CTNNA2: variants seen among roughly 807,000 people sequenced by gnomAD.
CTNNA2 encodes catenin alpha 2.
A neutral mutation model predicts 101.0 loss-of-function variants in CTNNA2; 42 were observed. That is an observed-to-expected ratio of 0.42 (90% CI 0.32 to 0.54). The LOEUF (loss-of-function observed/expected upper bound fraction) is 0.54, where lower values mean the gene tolerates loss of function less well. Among genes scored for constraint, CTNNA2 ranks in the 20% least tolerant of loss-of-function variants. CTNNA2 has a pLI of 0.14. For missense variants in CTNNA2, 871 were observed against 1,223.1 expected (o/e 0.71, Z 4.29); for synonymous variants, 450 against 456.4 (o/e 0.99, Z 0.18).
chr2:80,091,469 A>G (rs1045408595), intron 7 of CTNNA2, among the ~76,000 whole-genome samples: 1 of 152,084 alleles, frequency 6.6e-6, no homozygotes, highest in South Asian at 2.1e-4. Flanking sequence ...GATGTGTAGG[A>G]CAGAGAAAGG....
In CTNNA2 at chr2:79,616,950, G is replaced by A. The variant is rs1462542692; in HGVS notation, c.-5-34602G>A. ...ACAGTCTTGCTCCGTCACCCAGGCT[G>A]GGGTAGAATGGTGCAATCTCGGCTC... On this transcript the variant is annotated intron_variant, in intron 1 of 18. Transcript: ENST00000402739. 4.6e-5 allele frequency among the ~76,000 whole-genome samples: 7 copies of A among 150,962 alleles called. No individual in the cohort carries two copies. In the East Asian group the frequency reaches 1.4e-3, roughly 30 times the overall value.
intron 7 of CTNNA2, among the ~76,000 whole-genome samples, chr2:80,263,566 C>T (rs1672776581): frequency 6.6e-6 from 1 of 152,142 alleles, no homozygotes; most frequent in South Asian, 2.1e-4. Context: ...GAACTCCTAA[C>T]CTCAAGTGAT....
At chr2:80,589,533 A>G (rs1254565824) in intron 15 of CTNNA2, 48 bp downstream of exon 15, 1 of 1,570,646 alleles carries the variant, frequency 6.4e-7, no homozygotes, top group Non-Finnish European at 8.7e-7. Context: ...TAAACCCAGA[A>G]GTGTAGCAGT....
intron 7 of CTNNA2, among the ~76,000 whole-genome samples, chr2:80,187,974 G>T (rs1220818160): frequency 1.3e-5 from 2 of 152,080 alleles, no homozygotes; most frequent in Non-Finnish European, 2.9e-5. Context: ...TCAGAACAAA[G>T]TTTACAGGAT....
chr2:79,220,395 T>C (rs1426205229), intron 2 of CTNNA2, among the ~76,000 whole-genome samples: 1 of 152,148 alleles, frequency 6.6e-6, no homozygotes, highest in African/African-American at 2.4e-5. Context: ...GCAGGAATGA[T>C]AGAAATTCTA....
chr2:79,677,645 A>T (rs915788845), intron 2 of CTNNA2, among the ~76,000 whole-genome samples: 1 of 152,210 alleles, frequency 6.6e-6, no homozygotes, highest in Non-Finnish European at 1.5e-5. Flanking sequence ...CTGAACTCTC[A>T]TAATAAAATC....
rs183398767 is a variant in CTNNA2, at chr2:80,452,215, A to T, written c.1290+32614A>T. ...AGTACATAATGCAATCAGGATTCAC[A>T]GCTAGGTTTATTTAACTTCAGAGCC... On this transcript the variant is annotated intron_variant, in intron 9 of 18. Coordinates refer to ENST00000402739, the MANE Select transcript of CTNNA2 (RefSeq NM_001282597.3). Among the ~76,000 whole-genome samples the T allele has an allele frequency of 3.3e-5, 5 of 151,984 alleles. No individual in the cohort carries two copies. In the East Asian group the frequency reaches 9.6e-4, roughly 29 times the overall value.
intron 9 of CTNNA2, among the ~76,000 whole-genome samples, chr2:80,483,975 G>C (rs1455058434): frequency 6.6e-6 from 1 of 152,126 alleles, no homozygotes; most frequent in Non-Finnish European, 1.5e-5. Flanking sequence ...ATGTGAAGTA[G>C]CTGCTTGAAG....
At chr2:80,514,033 T>C (rs763492814) in intron 9 of CTNNA2, among the ~76,000 whole-genome samples, 19 of 152,220 alleles carry the variant, frequency 1.2e-4, no homozygotes, top group Non-Finnish European at 2.8e-4. Context: ...ATCTTTATTT[T>C]TATTTATTTT....
At chr2:79,738,566 A>C (rs2104958444) in intron 2 of CTNNA2, among the ~76,000 whole-genome samples, 1 of 152,320 alleles carries the variant, frequency 6.6e-6, no homozygotes, top group East Asian at 1.9e-4. Flanking sequence ...GTGGACGGTA[A>C]TGTATGTTCC....
At chr2:79,711,807 T>C (rs1314861810) in intron 2 of CTNNA2, among the ~76,000 whole-genome samples, 2 of 152,290 alleles carry the variant, frequency 1.3e-5, no homozygotes, top group Admixed American at 1.3e-4. Context: ...CTACAGACAA[T>C]ATGTAAACGA....
chr2:79,580,680 G>C (rs1309044328), intron 1 of CTNNA2, among the ~76,000 whole-genome samples: 1 of 152,154 alleles, frequency 6.6e-6, no homozygotes, highest in Non-Finnish European at 1.5e-5. Context: ...AATAGTCATA[G>C]AGACAAAGGA....
intron 7 of CTNNA2, among the ~76,000 whole-genome samples, chr2:80,013,139 C>T (rs1693898972): frequency 6.6e-6 from 1 of 152,112 alleles, no homozygotes; most frequent in African/African-American, 2.4e-5. Flanking sequence ...GTACTCTAGC[C>T]TGGGTGACAG....
chr2:80,422,409 G>A (rs1324026195), intron 9 of CTNNA2, among the ~76,000 whole-genome samples: 5 of 148,162 alleles, frequency 3.4e-5, no homozygotes, highest in African/African-American at 1.3e-4. Context: ...CCATATAAGT[G>A]TATTTCTTCT....
At chr2:80,440,554 CT>C (rs1253437166) in intron 9 of CTNNA2, among the ~76,000 whole-genome samples, 1 of 152,142 alleles carries the variant, frequency 6.6e-6, no homozygotes. Context: ...AGTTAGACTT[CT>C]GTTTGTCCCT....
In CTNNA2 at chr2:80,139,389, G is replaced by T. The variant is rs1000829781; in HGVS notation, c.1056+229592G>T. On this transcript the variant is annotated intron_variant, in intron 7 of 18. Coordinates refer to ENST00000402739, the MANE Select transcript of CTNNA2 (RefSeq NM_001282597.3). ...AGAGTTTCAAGGATGTTGCTCTGTT[G>T]TCTCTGCTCCCTCTGTTTTTTTCTT... 2.0e-5 allele frequency among the ~76,000 whole-genome samples: 3 copies of T among 152,174 alleles called. 1 individual carries two copies. The highest frequency in any genetic ancestry group is 6.8e-3 in the Middle Eastern group (2 of 292).
At chr2:79,441,672 C>T (rs945759476) in intron 4 of CTNNA2, among the ~76,000 whole-genome samples, 1 of 152,170 alleles carries the variant, frequency 6.6e-6, no homozygotes, top group Non-Finnish European at 1.5e-5. Context: ...AATCCATTCT[C>T]TACACAAACA....
At chr2:80,618,947 A>G (rs2149802989) in intron 17 of CTNNA2, 138 bp from the exon 18 acceptor site, 2 of 462,964 alleles carry the variant, frequency 4.3e-6, no homozygotes, top group Non-Finnish European at 7.5e-6. Context: ...TTCAGCACGT[A>G]ATTCCTTCAT....
chr2:79,722,528 T>C (rs757553724), intron 2 of CTNNA2, among the ~76,000 whole-genome samples: 1 of 152,202 alleles, frequency 6.6e-6, no homozygotes, highest in Non-Finnish European at 1.5e-5. Flanking sequence ...ATCTCTGATA[T>C]CGGAGATTAT....
Sources: allele counts gnomAD v4.1 joint callset (sites outside exome capture counted in the v4.1 genomes callset), GRCh38; gene constraint gnomAD v4.1.1; transcripts MANE v1.5; gene names NCBI Gene and HGNC (gene_info 2026-07-23, HGNC 2026-07-21).